Variants in KAT6B observed in about 807,000 individuals in gnomAD.
KAT6B encodes the protein lysine acetyltransferase 6B.
KAT6B carries 10 observed loss-of-function variants against 187.5 expected under a neutral mutation model. The ratio of observed to expected loss-of-function variants is 0.05; its 90% confidence interval spans 0.03 to 0.09. The LOEUF (loss-of-function observed/expected upper bound fraction) is 0.09, where lower values mean the gene tolerates loss of function less well. Ranked by LOEUF, KAT6B falls within the 10% of genes least tolerant of loss-of-function variation. KAT6B has a pLI of 1.00. For synonymous variants in KAT6B, 861 were observed against 926.8 expected, an observed-to-expected ratio of 0.93 and a Z score of 1.29; for missense variants, 1,952 against 2,558.9, an observed-to-expected ratio of 0.76 and a Z score of 5.12.
chr10:74,977,444 CGAG>C lies in KAT6B; in HGVS notation c.2115+10_2115+12del. 6.2e-7 allele frequency: 1 copy of C among 1,613,470 alleles called. No homozygotes were observed. Among genetic ancestry groups the C allele is most frequent in the Non-Finnish European group, 8.5e-7 (1 of 1,179,594 alleles). On this transcript the variant is annotated splice_region_variant and intron_variant, in intron 9 of 17. Transcript: ENST00000287239. ...CCAGGAACTTTCTTGGGAGGTAAGG[CGAG>C]GATCCCACATTGTAGTAGCAAGTAT...
chr10:74,845,157 T>G (rs545635742), intron 3 of KAT6B, among the ~76,000 whole-genome samples: 4 of 152,010 alleles, frequency 2.6e-5, no homozygotes, highest in African/African-American at 9.7e-5. Context: ...AGGTAGAGGC[T>G]GCAGTGAGCC....
intron 3 of KAT6B, among the ~76,000 whole-genome samples, chr10:74,944,808 C>CAAA (rs58164194): frequency 0.053 from 1,732 of 32,690 alleles, 281 homozygotes; most frequent in African/African-American, 0.11. Flanking sequence ...GACTCCGTCT[C>CAAA]AAAAAAAAAA....
chr10:74,887,763 T>C (rs1341096433), intron 3 of KAT6B, among the ~76,000 whole-genome samples: 1 of 152,016 alleles, frequency 6.6e-6, no homozygotes, highest in East Asian at 1.9e-4. Flanking sequence ...TCTCAAGACT[T>C]TGGGAGGCTA....
intron 1 of KAT6B, 54 bp downstream of exon 1, chr10:74,826,839 G>GA (rs1398150000): frequency 6.6e-6 from 1 of 150,486 alleles, no homozygotes; most frequent in African/African-American, 2.4e-5. Flanking sequence ...CGGGAGGGGG[G>GA]AACAGACGGG....
At chr10:74,966,528 T>TG (rs1256453429) in intron 4 of KAT6B, among the ~76,000 whole-genome samples, 2 of 152,264 alleles carry the variant, frequency 1.3e-5, no homozygotes, top group Admixed American at 1.3e-4. Context: ...TTGGTACTTG[T>TG]TTAATTTTAA....
At chr10:74,953,052 T>C (rs1230608982) in intron 3 of KAT6B, among the ~76,000 whole-genome samples, 3 of 151,798 alleles carry the variant, frequency 2.0e-5, no homozygotes, top group Non-Finnish European at 2.9e-5. Context: ...ATTTTGTATT[T>C]GTTTATGCTT....
intron 1 of KAT6B, among the ~76,000 whole-genome samples, chr10:74,828,423 C>G (rs147246480): frequency 4.3e-3 from 620 of 145,554 alleles, no homozygotes; most frequent in Non-Finnish European, 6.8e-3. Context: ...TTCGAACAGT[C>G]TTAGTTCTAT....
At position 74,976,034 on chromosome 10, in the gene KAT6B, C is replaced by T. The variant is rs144497246; in HGVS notation, c.1697C>T (p.Ala566Val). 2.0e-5 allele frequency: 32 copies of T among 1,614,062 alleles called. No individual in the cohort carries two copies. Among genetic ancestry groups the T allele is most frequent in the Non-Finnish European group, 2.7e-5 (32 of 1,180,042 alleles). Reference sequence around the variant, plus strand: ...CGCAAAAAGGGACACCCGAGTTATGCACCACCCAAACGTATGCGTCGTAAA... The same window carrying T: ...CGCAAAAAGGGACACCCGAGTTATGTACCACCCAAACGTATGCGTCGTAAA... ...QSRKKGHPSY[A>V]PPKRMRRKTE... The change falls in exon 8 of 18, where the codon GCA becomes GTA. Residue 566 changes from alanine to valine, a missense_variant. By Grantham distance (64) the Ala-to-Val change is moderately conservative (BLOSUM62 0). Around this residue, in one of 9 missense-constraint regions of KAT6B, gnomAD observed 417 missense variants for 508.9 expected, o/e 0.82. Transcript: ENST00000287239.
chr10:74,954,414 G>C (rs1840529641), intron 3 of KAT6B, among the ~76,000 whole-genome samples: 1 of 151,964 alleles, frequency 6.6e-6, no homozygotes, highest in Non-Finnish European at 1.5e-5. Flanking sequence ...TGGTTGCACA[G>C]TATTGTGAAC....
chr10:74,901,882 G>C (rs1326331104), intron 3 of KAT6B, among the ~76,000 whole-genome samples: 1 of 152,042 alleles, frequency 6.6e-6, no homozygotes, highest in Non-Finnish European at 1.5e-5. Context: ...ATGTCATTTT[G>C]ATTAGGCTCA....
chr10:74,882,012 C>T (rs1417923728), intron 3 of KAT6B, among the ~76,000 whole-genome samples: 1 of 152,086 alleles, frequency 6.6e-6, no homozygotes, highest in East Asian at 1.9e-4. Context: ...TAGAAAGCAC[C>T]CTTGGTGGGT....
intron 13 of KAT6B, among the ~76,000 whole-genome samples, chr10:75,011,437 A>T (rs577214593): frequency 1.3e-5 from 2 of 152,342 alleles, no homozygotes; most frequent in East Asian, 3.9e-4. Flanking sequence ...TACCTAACTG[A>T]AAGTGCCTCT....
chr10:74,896,263 A>G lies in KAT6B; in HGVS notation c.621+52785A>G, dbSNP rs572839300. The stretch of plus-strand genomic sequence containing the variant: ...ATGGGCCTACCATAATATCTAGTCC[A>G]TAATATTTGTGTACTTTAGTTTTTT... On this transcript the variant is annotated intron_variant, in intron 3 of 17. Coordinates refer to ENST00000287239, the MANE Select transcript of KAT6B (RefSeq NM_012330.4). Among the ~76,000 whole-genome samples the G allele has an allele frequency of 3.9e-5, 6 of 152,192 alleles. No individual in the cohort carries two copies. In the South Asian group the frequency reaches 1.2e-3, roughly 32 times the overall value.
chr10:75,022,878 C>T lies in KAT6B; in HGVS notation c.3372+647C>T, dbSNP rs570957685. Among the ~76,000 whole-genome samples the T allele has an allele frequency of 9.2e-5, 14 of 152,298 alleles. No homozygotes were observed. The East Asian group carries it at 2.5e-3, about 27-fold the overall frequency. On this transcript the variant is annotated intron_variant, in intron 16 of 17. Coordinates refer to ENST00000287239, the MANE Select transcript of KAT6B (RefSeq NM_012330.4). The stretch of plus-strand genomic sequence containing the variant: ...GGCAGAGGTTGCAGTAAGCCGAGAT[C>T]GCACCATTGCACTCCAGCCTGGGCA...
intron 1 of KAT6B, among the ~76,000 whole-genome samples, chr10:74,835,763 G>GTATTAT (rs375868472): frequency 3.3e-5 from 5 of 151,596 alleles, no homozygotes; most frequent in African/African-American, 9.7e-5. Context: ...GAAATGGTTG[G>GTATTAT]TATTATTATT....
intron 3 of KAT6B, among the ~76,000 whole-genome samples, chr10:74,879,463 G>A (rs888548077): frequency 6.6e-6 from 1 of 152,202 alleles, no homozygotes; most frequent in African/African-American, 2.4e-5. Context: ...TTTACAATGA[G>A]AAATAAATGA....
In KAT6B at chr10:74,975,807, A is replaced by T; in HGVS notation, c.1470A>T (p.Pro490=). The T allele has an allele frequency of 6.2e-7, 1 of 1,613,948 alleles. No homozygotes were observed. The highest frequency in any genetic ancestry group is 1.1e-5 in the South Asian group (1 of 91,064). ...ATGTTQKLKP[P]PSSLPPPTPI... ...GTACCACACAAAAGCTAAAACCTCC[A>T]CCTTCTTCACTTCCACCCCCAACCC... Residue 490 remains proline (P), a synonymous_variant, in exon 8 of 18, where the codon CCA becomes CCT. Coordinates refer to ENST00000287239, the MANE Select transcript of KAT6B (RefSeq NM_012330.4).
chr10:75,030,352 A>T lies in KAT6B; in HGVS notation c.5528A>T (p.Tyr1843Phe), dbSNP rs747283591. 1 of 1,614,206 alleles carries T rather than the reference A, an allele frequency of 6.2e-7. No homozygotes were observed. Among genetic ancestry groups the T allele is most frequent in the Admixed American group, 1.7e-5 (1 of 60,028 alleles). Residue 1843 changes from tyrosine (Y) to phenylalanine (F), a missense_variant, in exon 18 of 18, where the codon TAT becomes TTT. This residue lies in a region of KAT6B where 358 missense variants were observed against 436.3 expected (regional missense o/e 0.82). Transcript: ENST00000287239. This position sits in a 1 kb window ranked among gnomAD's most constrained non-coding sequence, Gnocchi z 4.8. ...AGCCATTCCGCTGCTGTGACTTCCT[A>T]TGCAAACAGTGCCTCTTTGTCCACA... The part of the protein sequence containing the change: ...PYSHSAAVTS[Y>F]ANSASLSTPL...
intron 13 of KAT6B, among the ~76,000 whole-genome samples, chr10:75,018,591 G>A (rs541668996): frequency 6.6e-6 from 1 of 152,300 alleles, no homozygotes; most frequent in East Asian, 1.9e-4. Context: ...AGGGACTGTA[G>A]CGGGGAGACA....
Sources: allele counts gnomAD v4.1 joint callset (sites outside exome capture counted in the v4.1 genomes callset), GRCh38; gene constraint gnomAD v4.1.1; regional missense constraint gnomAD v4.1.1; non-coding constraint Gnocchi (gnomAD v3.1); transcripts MANE v1.5; gene names NCBI Gene and HGNC (gene_info 2026-07-23, HGNC 2026-07-21).